The following DLG2 variants were observed in gnomAD, a reference collection of about 807,000 sequenced individuals.
DLG2 encodes the protein discs large MAGUK scaffold protein 2, also known as disks large homolog 2.
In DLG2, 45 loss-of-function variants were observed where a neutral mutation model predicts 132.5. The ratio of observed to expected loss-of-function variants is 0.34; its 90% CI spans 0.27 to 0.44. The LOEUF is 0.44. Ranked by LOEUF, DLG2 falls within the 20% of genes least tolerant of loss-of-function variation. DLG2 has a pLI of 1.00. For synonymous variants in DLG2, 424 were observed against 419.6 expected (o/e 1.01, Z -0.13); for missense variants, 1,045 against 1,196.9 (o/e 0.87, Z 1.87).
intron 6 of DLG2, among the ~76,000 whole-genome samples, chr11:84,737,563 T>A (rs186495701): frequency 6.6e-6 from 1 of 150,596 alleles, no homozygotes; most frequent in Non-Finnish European, 1.5e-5. Context: ...GTGGGAAGGT[T>A]TATGTAAAGT....
intron 6 of DLG2, among the ~76,000 whole-genome samples, chr11:85,051,722 C>A (rs1278261414): frequency 1.3e-5 from 2 of 152,102 alleles, no homozygotes; most frequent in Admixed American, 1.3e-4. Context: ...CTTGGCTAGT[C>A]ACTCAAAGTC....
intron 6 of DLG2, among the ~76,000 whole-genome samples, chr11:84,618,559 G>A (rs2099608547): frequency 6.6e-6 from 1 of 151,984 alleles, no homozygotes; most frequent in African/African-American, 2.4e-5. Context: ...AGGAAAAATA[G>A]TTCTTTCAGG....
chr11:84,566,284 A>C (rs1276061401), intron 6 of DLG2, among the ~76,000 whole-genome samples: 5 of 152,066 alleles, frequency 3.3e-5, no homozygotes, highest in African/African-American at 9.7e-5. Context: ...TTTTTATCTT[A>C]TGTCTTAGAA....
At chr11:83,895,790 T>C (rs946831802) in intron 15 of DLG2, among the ~76,000 whole-genome samples, 2 of 152,212 alleles carry the variant, frequency 1.3e-5, no homozygotes, top group African/African-American at 4.8e-5. Context: ...CATCAAGGCA[T>C]TTCCCACATA....
chr11:83,664,931 A>G (rs1411888834), intron 18 of DLG2, among the ~76,000 whole-genome samples: 1 of 152,210 alleles, frequency 6.6e-6, no homozygotes, highest in Non-Finnish European at 1.5e-5. Flanking sequence ...CCTCAACTAG[A>G]GTTTGAGGAC....
Position 85,375,096 on chromosome 11 carries a change from C to CT in DLG2, c.41-89732dup, listed in dbSNP as rs1209009581. Reference sequence around the variant, plus strand: ...CCCTTTGTTCCTTCTTTTTTCTTTTCTTTTTTTTTTATCCTGGAACATTTT... The same window carrying CT: ...CCCTTTGTTCCTTCTTTTTTCTTTTCTTTTTTTTTTTATCCTGGAACATTTT... On this transcript the variant is annotated intron_variant, in intron 3 of 27. Coordinates refer to ENST00000376104, the MANE Select transcript of DLG2 (RefSeq NM_001142699.3). Among the ~76,000 whole-genome samples, 334 of 135,414 alleles carry CT rather than the reference C, an allele frequency of 2.5e-3. 1 individual carries two copies. Among genetic ancestry groups the CT allele is most frequent in the African/African-American group, 8.2e-3 (301 of 36,776 alleles). The allele number at this position is 135,414 out of a possible 152,430, so 88.8% of individuals were successfully genotyped here.
intron 6 of DLG2, among the ~76,000 whole-genome samples, chr11:84,714,803 G>C (rs535059386): frequency 2.2e-4 from 34 of 151,672 alleles, no homozygotes; most frequent in South Asian, 1.0e-3. Context: ...AAATAACACT[G>C]GTAAAACACC....
intron 18 of DLG2, among the ~76,000 whole-genome samples, chr11:83,742,210 A>ACCAC (rs71463182): frequency 6.8e-5 from 10 of 147,006 alleles, no homozygotes; most frequent in Admixed American, 2.1e-4. Flanking sequence ...CCACACTTTT[A>ACCAC]ACACACACAC....
In DLG2 at chr11:84,414,234, T is replaced by C. The variant is rs563840186; in HGVS notation, c.519+120336A>G. On this transcript the variant is annotated intron_variant, in intron 7 of 27. Transcript: ENST00000376104. Reference sequence around the variant, plus strand: ...AGCATATCTAAATTAATTAACATAGTATCTGGCAAATGTTTACTGTTATCA... The same window carrying C: ...AGCATATCTAAATTAATTAACATAGCATCTGGCAAATGTTTACTGTTATCA... Among the ~76,000 whole-genome samples the C allele has an allele frequency of 2.6e-4, 39 of 152,272 alleles. No individual in the cohort carries two copies. In the South Asian group the frequency reaches 6.6e-3, roughly 26 times the overall value.
At chr11:84,594,767 C>T (rs2099552345) in intron 6 of DLG2, among the ~76,000 whole-genome samples, 1 of 152,152 alleles carries the variant, frequency 6.6e-6, no homozygotes, top group Admixed American at 6.5e-5. Flanking sequence ...TGGAGACCTG[C>T]CACAGAGGGA....
At chr11:84,354,472 C>G (rs1207837940) in intron 7 of DLG2, among the ~76,000 whole-genome samples, 2 of 151,960 alleles carry the variant, frequency 1.3e-5, no homozygotes, top group Admixed American at 6.6e-5. Context: ...CTTTTTTTCT[C>G]AAAACATTTT....
intron 6 of DLG2, among the ~76,000 whole-genome samples, chr11:84,708,358 A>G (rs112626249): frequency 1.1e-4 from 16 of 151,882 alleles, no homozygotes; most frequent in African/African-American, 3.9e-4. Flanking sequence ...GCCAGATAAA[A>G]TCATTACAAA....
chr11:84,910,043 G>A (rs939442125), intron 6 of DLG2, among the ~76,000 whole-genome samples: 1 of 152,172 alleles, frequency 6.6e-6, no homozygotes, highest in Non-Finnish European at 1.5e-5. Flanking sequence ...TTGACTGCTG[G>A]ACAAAAGGAA....
chr11:84,266,292 A>G (rs1274561768), intron 7 of DLG2, among the ~76,000 whole-genome samples: 1 of 152,158 alleles, frequency 6.6e-6, no homozygotes, highest in Non-Finnish European at 1.5e-5. Context: ...TTTTGTTAAA[A>G]ACCTAAAGTG....
chr11:84,981,486 A>G (rs901526432), intron 6 of DLG2, among the ~76,000 whole-genome samples: 1 of 152,152 alleles, frequency 6.6e-6, no homozygotes, highest in African/African-American at 2.4e-5. Context: ...CCAGCTCAGA[A>G]GAGCCCATTC....
intron 6 of DLG2, among the ~76,000 whole-genome samples, chr11:84,962,949 A>C (rs898372747): frequency 6.6e-6 from 1 of 152,190 alleles, no homozygotes; most frequent in African/African-American, 2.4e-5. Flanking sequence ...ATCTTTAACA[A>C]ACCCATAGGA....
intron 6 of DLG2, among the ~76,000 whole-genome samples, chr11:84,585,735 T>G (rs534457643): frequency 6.6e-6 from 1 of 152,382 alleles, no homozygotes; most frequent in African/African-American, 2.4e-5. Flanking sequence ...CTATGTAACT[T>G]ATTTTGTTGC....
At chr11:84,407,229 C>T (rs1249093539) in intron 7 of DLG2, among the ~76,000 whole-genome samples, 2 of 151,738 alleles carry the variant, frequency 1.3e-5, no homozygotes, top group Non-Finnish European at 2.9e-5. Context: ...GCTTTTGTTT[C>T]CCCCACCCCT....
chr11:84,350,414 C>T (rs927112386), intron 7 of DLG2, among the ~76,000 whole-genome samples: 15 of 152,142 alleles, frequency 9.9e-5, no homozygotes, highest in African/African-American at 3.1e-4. Context: ...TGTTCTACAG[C>T]ATAGAGCTTT....
Sources: allele counts gnomAD v4.1 joint callset (sites outside exome capture counted in the v4.1 genomes callset), GRCh38; gene constraint gnomAD v4.1.1; transcripts MANE v1.5; gene names NCBI Gene and HGNC (gene_info 2026-07-23, HGNC 2026-07-21).